Variants in HNRNPH1 observed in about 807,000 individuals in gnomAD.
HNRNPH1 encodes heterogeneous nuclear ribonucleoprotein H.
A neutral mutation model predicts 58.6 loss-of-function variants in HNRNPH1; 4 were observed. The ratio of observed to expected loss-of-function variants is 0.07; its 90% CI spans 0.03 to 0.16. The LOEUF is 0.16. HNRNPH1 is among the 10% of genes least tolerant of loss of function. The pLI, the probability that HNRNPH1 is intolerant of heterozygous loss-of-function variation, is 1.00. For missense variants in HNRNPH1, 271 were observed against 564.2 expected (o/e 0.48, Z 5.26); for synonymous variants, 192 against 189.2 (o/e 1.01, Z -0.12).
chr5:179,622,711 G>C (rs1239058684), intron 1 of HNRNPH1: 1 of 151,730 alleles, frequency 6.6e-6, no homozygotes, highest in Non-Finnish European at 1.5e-5. Flanking sequence ...CAACTCAAAA[G>C]AAAAAGAAAA....
intron 3 of HNRNPH1, chr5:179,619,712 A>C (rs527562056): frequency 1.1e-4 from 22 of 195,482 alleles, no homozygotes; most frequent in Non-Finnish European, 2.1e-4. Context: ...GAATTATACA[A>C]TTCAATTAAG....
intron 12 of HNRNPH1, 124 bp downstream of exon 13, chr5:179,615,422 C>T: frequency 1.8e-6 from 1 of 552,706 alleles, no homozygotes; most frequent in South Asian, 2.8e-5. Context: ...CTAAAGGCAA[C>T]TCACTGTGCC....
At chr5:179,629,296 CAA>C (rs375223570), upstream of HNRNPH1, 5 of 138,566 alleles carry the variant, frequency 3.6e-5, no homozygotes, top group Admixed American at 7.2e-5. Flanking sequence ...GACTCCGTCT[CAA>C]AAAAAAAAAA....
At chr5:179,619,192 C>T in intron 4 of HNRNPH1, 77 bp downstream of exon 5, 1 of 1,272,234 alleles carries the variant, frequency 7.9e-7, no homozygotes, top group South Asian at 1.6e-5. Context: ...TTAATTTCTT[C>T]TTTTAAGCAG....
exon 1 of HNRNPH1, chr5:179,624,508 C>T (rs1774155458): frequency 5.0e-6 from 2 of 398,654 alleles, no homozygotes; most frequent in Non-Finnish European, 8.8e-6. Flanking sequence ...CGGGTGCGCG[C>T]CGGCCTCTGC....
intron 1 of HNRNPH1, among the ~76,000 whole-genome samples, chr5:179,622,193 T>A (rs1772752265): frequency 1.3e-5 from 2 of 152,052 alleles, no homozygotes; most frequent in Non-Finnish European, 2.9e-5. Context: ...AAGAACTAGA[T>A]AAGAAAACAC....
At chr5:179,625,722 C>T (rs1049949570), upstream of HNRNPH1, among the ~76,000 whole-genome samples, 1 of 150,526 alleles carries the variant, frequency 6.6e-6, no homozygotes, top group South Asian at 2.1e-4. Context: ...ATAGCCAATT[C>T]TCTTATATAT....
upstream of HNRNPH1, among the ~76,000 whole-genome samples, chr5:179,625,725 T>C (rs543285754): frequency 1.4e-4 from 22 of 152,044 alleles, no homozygotes; most frequent in East Asian, 4.0e-3. Flanking sequence ...GCCAATTCTC[T>C]TATATATAAA....
At chr5:179,629,630 TTGA>T (rs1774677917), upstream of HNRNPH1, among the ~76,000 whole-genome samples, 1 of 152,050 alleles carries the variant, frequency 6.6e-6, no homozygotes, top group Non-Finnish European at 1.5e-5. Context: ...GGACTTAAAA[TTGA>T]TGATATTTTA....
At chr5:179,622,875 G>A (rs1773236130) in intron 1 of HNRNPH1, 162 bp downstream of exon 2, 1 of 154,992 alleles carries the variant, frequency 6.5e-6, no homozygotes, top group Non-Finnish European at 1.4e-5. Flanking sequence ...GAGCAGCACA[G>A]CGGTGAGTGT....
At chr5:179,615,021 A>G in intron 12 of HNRNPH1, 62 bp from the exon 14 acceptor site, 3 of 1,015,594 alleles carry the variant, frequency 3.0e-6, no homozygotes, top group Non-Finnish European at 3.0e-6. Context: ...AATAAAATAT[A>G]GTATTCCAAG....
At chr5:179,615,079 C>T (rs936250291) in intron 12 of HNRNPH1, 120 bp from the exon 14 acceptor site, 7 of 672,346 alleles carry the variant, frequency 1.0e-5, no homozygotes, top group African/African-American at 5.3e-5. Context: ...GTCCAAGTGG[C>T]GAGACGCATG....
chr5:179,619,634 TTGC>T (rs753818101), intron 3 of HNRNPH1: 11 of 326,328 alleles, frequency 3.4e-5, no homozygotes, highest in East Asian at 9.6e-5. Flanking sequence ...TAAAAAAAAC[TTGC>T]TGAACACAGG....
intron 3 of HNRNPH1, 129 bp from the exon 5 acceptor site, chr5:179,619,536 G>A: frequency 2.8e-6 from 2 of 721,192 alleles, no homozygotes; most frequent in South Asian, 2.1e-5. Context: ...CTTTCAACAA[G>A]TACTCTTTAA....
upstream of HNRNPH1, among the ~76,000 whole-genome samples, chr5:179,627,424 G>T (rs1433299364): frequency 6.6e-6 from 1 of 151,016 alleles, no homozygotes. Flanking sequence ...AATTCCTGGC[G>T]TCAAGCAATT....
upstream of HNRNPH1, chr5:179,629,259 T>G (rs1373620846): frequency 6.7e-6 from 1 of 149,988 alleles, no homozygotes; most frequent in Non-Finnish European, 1.5e-5. Context: ...ATCGCGCCAT[T>G]GCACTCCAGC....
At chr5:179,620,962 A>G in exon 3 of HNRNPH1, 1 of 1,614,016 alleles carries the variant, frequency 6.2e-7, no homozygotes, top group South Asian at 1.1e-5. Context: ...CAAAGCCATC[A>G]TTGGCCGTGT....
upstream of HNRNPH1, among the ~76,000 whole-genome samples, chr5:179,626,535 G>A (rs988960056): frequency 6.6e-6 from 1 of 151,306 alleles, no homozygotes; most frequent in Non-Finnish European, 1.5e-5. Context: ...GACCAACATG[G>A]TGAAACCCCG....
exon 1 of HNRNPH1, chr5:179,623,848 C>G (rs1468456916): frequency 6.6e-6 from 1 of 152,336 alleles, no homozygotes; most frequent in Non-Finnish European, 1.5e-5. Flanking sequence ...GGCTCAGCAC[C>G]CCCACCCATA....
Sources: allele counts gnomAD v4.1 joint callset (sites outside exome capture counted in the v4.1 genomes callset), GRCh38; gene constraint gnomAD v4.1.1; transcripts MANE v1.5; gene names NCBI Gene and HGNC (gene_info 2026-07-23, HGNC 2026-07-21).